NCAM2: variants seen among roughly 807,000 people sequenced by gnomAD.
NCAM2 encodes N-CAM-2.
In NCAM2, 30 loss-of-function variants were observed where a neutral mutation model predicts 98.1. The observed-to-expected ratio is 0.31, with a 90% CI of 0.23 to 0.41. NCAM2 has a LOEUF of 0.41. Ranked by LOEUF, NCAM2 falls within the 10% of genes least tolerant of loss-of-function variation. The probability of loss-of-function intolerance (pLI) is 1.00; values close to 1 mark genes in which losing one functional copy is unlikely to be tolerated. For synonymous variants in NCAM2, 368 were observed against 342.4 expected, an observed-to-expected ratio of 1.07 and a Z score of -0.83; for missense variants, 867 against 1,005.8, an observed-to-expected ratio of 0.86 and a Z score of 1.87.
chr21:21,405,598 C>A (rs538488431), intron 9 of NCAM2, among the ~76,000 whole-genome samples: 12 of 152,082 alleles, frequency 7.9e-5, no homozygotes, highest in Middle Eastern at 3.4e-3. Context: ...TGACATTTTC[C>A]ATTATTTTAG....
At chr21:21,274,863 G>A (rs149690032) in intron 1 of NCAM2, among the ~76,000 whole-genome samples, 2,601 of 152,196 alleles carry the variant, frequency 0.017, 29 homozygotes, top group Non-Finnish European at 0.029. Flanking sequence ...TTAGAAGGCT[G>A]GTTCAGTTGT....
At chr21:21,056,496 G>GTGTA (rs1458227787) in intron 1 of NCAM2, among the ~76,000 whole-genome samples, 2 of 146,416 alleles carry the variant, frequency 1.4e-5, no homozygotes, top group African/African-American at 5.2e-5. Context: ...ATGTCTGTGT[G>GTGTA]TGTGTGTGTG....
chr21:21,108,235 T>A (rs551871620), intron 1 of NCAM2, among the ~76,000 whole-genome samples: 9 of 152,154 alleles, frequency 5.9e-5, no homozygotes, highest in South Asian at 2.1e-4. Context: ...CTTTTTTTTT[T>A]AATAAACACT....
At chr21:21,198,813 T>G (rs931255140) in intron 1 of NCAM2, among the ~76,000 whole-genome samples, 3 of 152,178 alleles carry the variant, frequency 2.0e-5, no homozygotes, top group Admixed American at 6.5e-5. Context: ...CTATGAGATT[T>G]CTGAATGAAT....
intron 8 of NCAM2, among the ~76,000 whole-genome samples, chr21:21,361,452 C>A (rs761723632): frequency 1.3e-5 from 2 of 151,928 alleles, no homozygotes; most frequent in Non-Finnish European, 2.9e-5. Flanking sequence ...TTCTAGTGAA[C>A]TCTCTTGGTT....
intron 1 of NCAM2, among the ~76,000 whole-genome samples, chr21:21,015,211 G>A (rs989253999): frequency 2.0e-5 from 3 of 152,162 alleles, no homozygotes; most frequent in Non-Finnish European, 1.5e-5. Context: ...CAGTCAGAGG[G>A]TTTGAGAAGA....
intron 9 of NCAM2, among the ~76,000 whole-genome samples, chr21:21,389,909 G>T (rs1432531673): frequency 6.6e-6 from 1 of 152,132 alleles, no homozygotes; most frequent in Non-Finnish European, 1.5e-5. Flanking sequence ...TAGTGCAGTG[G>T]CACGATCTTG....
chr21:21,293,043 AAG>A lies in NCAM2; in HGVS notation c.619+805_619+806del, dbSNP rs561188496. Among the ~76,000 whole-genome samples the A allele has an allele frequency of 8.4e-4, 127 of 151,924 alleles. 1 individual carries two copies. Among genetic ancestry groups the A allele is most frequent in the Admixed American group, 1.9e-3 (29 of 15,210 alleles). ...ATGAGAACTCCCTCGCTGTCACAAGAAGAGCATGGGGAAAACCGCCTCCATGA... is the reference window on the plus strand; with the variant it reads ...ATGAGAACTCCCTCGCTGTCACAAGAAGCATGGGGAAAACCGCCTCCATGA... On this transcript the variant is annotated intron_variant, in intron 5 of 17. Coordinates refer to ENST00000400546, the MANE Select transcript of NCAM2 (RefSeq NM_004540.5).
intron 8 of NCAM2, among the ~76,000 whole-genome samples, chr21:21,346,560 T>A (rs1047089633): frequency 2.6e-5 from 4 of 152,070 alleles, no homozygotes; most frequent in Non-Finnish European, 5.9e-5. Context: ...GAACATTTCA[T>A]CCAATGGCTG....
chr21:21,374,104 T>C, intron 9 of NCAM2, 91 bp downstream of exon 9: 1 of 1,250,610 alleles, frequency 8.0e-7, no homozygotes, highest in Non-Finnish European at 1.1e-6. Context: ...ATATATGTAG[T>C]TCACATTTCA....
At chr21:21,468,837 GT>G in intron 14 of NCAM2, 54 bp downstream of exon 14, 6 of 1,498,026 alleles carry the variant, frequency 4.0e-6, no homozygotes, top group South Asian at 1.2e-5. Context: ...ATTAAATTGA[GT>G]TGCACTGAAT....
At chr21:21,286,159 T>C in intron 3 of NCAM2, 110 bp from the exon 4 acceptor site, 1 of 1,181,042 alleles carries the variant, frequency 8.5e-7, no homozygotes, top group Non-Finnish European at 1.2e-6. Context: ...TAGGTTTCCC[T>C]AATTATTTTA....
intron 1 of NCAM2, among the ~76,000 whole-genome samples, chr21:21,025,418 G>A (rs2064525219): frequency 6.6e-6 from 1 of 152,080 alleles, no homozygotes; most frequent in African/African-American, 2.4e-5. Flanking sequence ...CCCAGGACTG[G>A]CGGTTTCTGT....
intron 5 of NCAM2, among the ~76,000 whole-genome samples, chr21:21,322,050 T>A (rs1046969119): frequency 2.0e-5 from 3 of 152,002 alleles, no homozygotes; most frequent in Non-Finnish European, 4.4e-5. Context: ...GGACATGGAG[T>A]CAACCTTGGT....
intron 1 of NCAM2, among the ~76,000 whole-genome samples, chr21:21,154,613 G>C (rs2067554020): frequency 6.6e-6 from 1 of 151,712 alleles, no homozygotes; most frequent in African/African-American, 2.4e-5. Context: ...TGAGTGGATA[G>C]GTACATGGAA....
intron 15 of NCAM2, among the ~76,000 whole-genome samples, chr21:21,496,006 AAT>A (rs61570411): frequency 2.7e-5 from 4 of 147,530 alleles, no homozygotes; most frequent in African/African-American, 9.9e-5. Context: ...ATATATATGA[AAT>A]ATATATATAA....
At chr21:21,058,144 C>CAAAAAAAAAAAAAAAAAAAAAA (rs56355387) in intron 1 of NCAM2, among the ~76,000 whole-genome samples, 1 of 104,460 alleles carries the variant, frequency 9.6e-6, no homozygotes. Flanking sequence ...TAAGTCTCTT[C>CAAAAAAAAAAAAAAAAAAAAAA]AAAAAAAAAA....
intron 1 of NCAM2, among the ~76,000 whole-genome samples, chr21:21,061,944 A>G (rs1298841896): frequency 6.6e-6 from 1 of 152,144 alleles, no homozygotes; most frequent in African/African-American, 2.4e-5. Context: ...TTTATGTTGG[A>G]AAGCAGCCGT....
intron 11 of NCAM2, among the ~76,000 whole-genome samples, chr21:21,427,420 A>G (rs9984813): frequency 0.075 from 11,375 of 152,242 alleles, 469 homozygotes; most frequent in East Asian, 0.15. Flanking sequence ...TCAGTTAATC[A>G]AGACGTGATA....
Sources: allele counts gnomAD v4.1 joint callset (sites outside exome capture counted in the v4.1 genomes callset), GRCh38; gene constraint gnomAD v4.1.1; transcripts MANE v1.5; gene names NCBI Gene and HGNC (gene_info 2026-07-23, HGNC 2026-07-21).